Variants in SPATA6L observed in about 807,000 individuals in gnomAD.
SPATA6L encodes the protein spermatogenesis associated 6-like protein.
Under a neutral mutation model 49.2 loss-of-function variants are expected in SPATA6L, and 68 were observed. That is an observed-to-expected ratio of 1.38 (90% CI 1.14 to 1.69). The LOEUF (loss-of-function observed/expected upper bound fraction) is 1.69, where lower values mean the gene tolerates loss of function less well. SPATA6L is among the 40% of genes most tolerant of loss of function. SPATA6L has a pLI of 0.00. For missense variants in SPATA6L, 668 were observed against 464.3 expected (o/e 1.44, Z -4.03); for synonymous variants, 198 against 165.7 (o/e 1.19, Z -1.50).
chr9:4,605,547 C>T, intron 9 of SPATA6L, 107 bp from the exon 10 acceptor site: 1 of 707,458 alleles, frequency 1.4e-6, no homozygotes, highest in Non-Finnish European at 2.4e-6. Context: ...TAATAAAAAA[C>T]AGCAGCATGC....
rs28666909 is a variant in SPATA6L, at chr9:4,618,136, T to C, written c.808-26A>G. On this transcript the variant is annotated intron_variant, in intron 8 of 11. Coordinates refer to ENST00000682582, the MANE Select transcript of SPATA6L (RefSeq NM_001353486.2). Reference sequence around the variant, plus strand: ...CTGAGTGACAATATGCATTATTTAGTTGTAATTTTGCTTCTGTTTGCTTAA... The same window carrying C: ...CTGAGTGACAATATGCATTATTTAGCTGTAATTTTGCTTCTGTTTGCTTAA... The C allele has an allele frequency of 1.9e-3, 2,931 of 1,567,008 alleles. 35 individuals carry two copies. The African/African-American group carries it at 0.03, about 16-fold the overall frequency.
Position 4,625,544 on chromosome 9 carries a change from C to T in SPATA6L, c.452G>A (p.Arg151Lys). Residue 151 changes from arginine (R) to lysine (K), a missense_variant, in exon 6 of 12, where the codon AGG becomes AAG. Arg to Lys is a conservative substitution (Grantham distance 26, BLOSUM62 2). Transcript: ENST00000682582. ...RFLEERHESR[R>K]PLSTSHEPIF... ...TGGTTCATGTGATGTAGATAAAGGCCTCCGTGACTCATGTCTTTCTTCCTG... is the reference window on the plus strand; with the variant it reads ...TGGTTCATGTGATGTAGATAAAGGCTTCCGTGACTCATGTCTTTCTTCCTG... 6.4e-7 allele frequency: 1 copy of T among 1,555,478 alleles called. No homozygotes were observed. Among genetic ancestry groups the T allele is most frequent in the Non-Finnish European group, 8.7e-7 (1 of 1,154,506 alleles).
chr9:4,641,141 C>A (rs1026701116), intron 3 of SPATA6L, among the ~76,000 whole-genome samples: 16 of 151,930 alleles, frequency 1.1e-4, no homozygotes, highest in African/African-American at 3.9e-4. Context: ...TGTCATATGT[C>A]TTTCAAGAGA....
Position 4,653,809 on chromosome 9 carries a change from C to T in SPATA6L, c.226+2232G>A, listed in dbSNP as rs537144464. Among the ~76,000 whole-genome samples, 58 of 152,196 alleles carry T rather than the reference C, an allele frequency of 3.8e-4. 2 individuals are homozygous for T. The South Asian group carries it at 8.9e-3, about 23-fold the overall frequency. ...AAAAATAGCTAGGCATGGTGCTGTG[C>T]GCCTATAGTCCCAGCTACTTCAGAG... On this transcript the variant is annotated intron_variant, in intron 3 of 11. Coordinates refer to ENST00000682582, the MANE Select transcript of SPATA6L (RefSeq NM_001353486.2).
At chr9:4,602,407 G>A (rs1823564485) in intron 11 of SPATA6L, among the ~76,000 whole-genome samples, 1 of 152,130 alleles carries the variant, frequency 6.6e-6, no homozygotes, top group African/African-American at 2.4e-5. Flanking sequence ...TCCAGAATGG[G>A]CCATTACTGA....
chr9:4,649,931 A>G (rs1451225681), intron 3 of SPATA6L, among the ~76,000 whole-genome samples: 1 of 152,236 alleles, frequency 6.6e-6, no homozygotes, highest in East Asian at 1.9e-4. Flanking sequence ...GTGTTCTTAC[A>G]GATGTGACCC....
downstream of SPATA6L, among the ~76,000 whole-genome samples, chr9:4,595,779 G>C (rs2129962231): frequency 6.6e-6 from 1 of 152,288 alleles, no homozygotes; most frequent in Non-Finnish European, 1.5e-5. Flanking sequence ...ATATTATTAA[G>C]TTAATCAATA....
Position 4,629,127 on chromosome 9 carries a change from G to A in SPATA6L, c.393C>T (p.Ile131=). The A allele has an allele frequency of 6.2e-7, 1 of 1,611,426 alleles. No individual in the cohort carries two copies. The highest frequency in any genetic ancestry group is 8.5e-7 in the Non-Finnish European group (1 of 1,178,986). Residue 131 remains isoleucine, a synonymous_variant, in exon 5 of 12, where the codon ATC becomes ATT. Transcript: ENST00000682582. ...PKIEFSTRTA[I]RECVFLHRNR... ...TTCTATGCAGAAACACACATTCTCT[G>A]ATGGCTGTCCTTGTAGAAAACTCTA...
At chr9:4,649,569 G>A (rs1045707695) in intron 3 of SPATA6L, among the ~76,000 whole-genome samples, 1 of 152,166 alleles carries the variant, frequency 6.6e-6, no homozygotes, top group African/African-American at 2.4e-5. Flanking sequence ...CAGTGACAGG[G>A]CTGTATTTGA....
intron 3 of SPATA6L, among the ~76,000 whole-genome samples, chr9:4,647,043 C>T (rs898669402): frequency 8.6e-5 from 13 of 151,296 alleles, no homozygotes; most frequent in African/African-American, 2.9e-4. Context: ...AACAAACCTG[C>T]ACATATACCC....
At chr9:4,648,754 G>A (rs1564294648) in intron 3 of SPATA6L, among the ~76,000 whole-genome samples, 1 of 147,354 alleles carries the variant, frequency 6.8e-6, no homozygotes. Context: ...GGTGATCTGT[G>A]AGATTTTGGT....
intron 9 of SPATA6L, among the ~76,000 whole-genome samples, chr9:4,616,933 G>C (rs1157772038): frequency 6.6e-6 from 1 of 152,182 alleles, no homozygotes; most frequent in African/African-American, 2.4e-5. Context: ...TTCTAATAAA[G>C]TAACTAATCA....
At chr9:4,597,292 T>A (rs1207465865), downstream of SPATA6L, among the ~76,000 whole-genome samples, 4 of 150,332 alleles carry the variant, frequency 2.7e-5, no homozygotes, top group East Asian at 3.9e-4. Flanking sequence ...TCTCTATTTT[T>A]TATATATATA....
chr9:4,643,852 C>A (rs1455869711), intron 3 of SPATA6L, among the ~76,000 whole-genome samples: 1 of 151,894 alleles, frequency 6.6e-6, no homozygotes, highest in African/African-American at 2.4e-5. Flanking sequence ...AAAAAATACA[C>A]AAAAATTAGC....
chr9:4,619,349 G>T (rs566799093), intron 7 of SPATA6L, among the ~76,000 whole-genome samples: 2 of 151,848 alleles, frequency 1.3e-5, no homozygotes, highest in South Asian at 4.2e-4. Flanking sequence ...GTAGAAATGG[G>T]GTTTCACTAC....
intron 3 of SPATA6L, among the ~76,000 whole-genome samples, chr9:4,641,977 G>A (rs144523157): frequency 2.4e-4 from 36 of 152,050 alleles, no homozygotes; most frequent in African/African-American, 8.0e-4. Flanking sequence ...CATGTTTCCC[G>A]GGCTGTACCT....
chr9:4,636,658 T>C (rs1832866882), intron 3 of SPATA6L, among the ~76,000 whole-genome samples: 1 of 152,240 alleles, frequency 6.6e-6, no homozygotes, highest in Non-Finnish European at 1.5e-5. Flanking sequence ...TGCTTTGTTT[T>C]CAGTACATCA....
intron 2 of SPATA6L, among the ~76,000 whole-genome samples, chr9:4,659,570 G>C (rs1839125706): frequency 6.6e-6 from 1 of 152,110 alleles, no homozygotes; most frequent in Admixed American, 6.6e-5. Flanking sequence ...TCATGGATAG[G>C]AATAATCAAT....
intron 6 of SPATA6L, among the ~76,000 whole-genome samples, chr9:4,624,127 T>C (rs890502459): frequency 2.0e-5 from 3 of 152,230 alleles, no homozygotes; most frequent in Admixed American, 6.5e-5. Context: ...AATATCAACT[T>C]AATGATACTA....
Sources: allele counts gnomAD v4.1 joint callset (sites outside exome capture counted in the v4.1 genomes callset), GRCh38; gene constraint gnomAD v4.1.1; transcripts MANE v1.5; gene names NCBI Gene and HGNC (gene_info 2026-07-23, HGNC 2026-07-21).